Variants in CTNNA2 observed in about 807,000 individuals in gnomAD.
CTNNA2 encodes the protein catenin alpha-2.
CTNNA2 carries 42 observed loss-of-function variants against 101.0 expected under a neutral mutation model. The ratio of observed to expected loss-of-function variants is 0.42; its 90% CI spans 0.32 to 0.54. The LOEUF is 0.54. Among genes scored for constraint, CTNNA2 ranks in the 20% least tolerant of loss-of-function variants. The probability of loss-of-function intolerance (pLI) is 0.14; values close to 1 mark genes in which losing one functional copy is unlikely to be tolerated. For synonymous variants in CTNNA2, 450 were observed against 456.4 expected, an observed-to-expected ratio of 0.99 and a Z score of 0.18; for missense variants, 871 against 1,223.1, an observed-to-expected ratio of 0.71 and a Z score of 4.29.
At chr2:79,960,150 T>C (rs567169315) in intron 7 of CTNNA2, among the ~76,000 whole-genome samples, 7 of 152,338 alleles carry the variant, frequency 4.6e-5, no homozygotes, top group African/African-American at 1.4e-4. Flanking sequence ...AGAGAAAATC[T>C]GCTCAGGTCA....
At chr2:80,059,975 T>C (rs1697468461) in intron 7 of CTNNA2, among the ~76,000 whole-genome samples, 1 of 152,226 alleles carries the variant, frequency 6.6e-6, no homozygotes. Flanking sequence ...AATCAATTGA[T>C]TCATCTATTA....
intron 2 of CTNNA2, among the ~76,000 whole-genome samples, chr2:79,232,142 C>T (rs1184390714): frequency 6.6e-6 from 1 of 152,084 alleles, no homozygotes; most frequent in Non-Finnish European, 1.5e-5. Flanking sequence ...TTCCAGTTCT[C>T]AAGGGGAATG....
intron 9 of CTNNA2, among the ~76,000 whole-genome samples, chr2:80,476,464 C>G (rs1221266364): frequency 1.3e-5 from 2 of 152,110 alleles, no homozygotes; most frequent in African/African-American, 4.8e-5. Context: ...AGTCAATTCT[C>G]AGAAAACAAA....
At chr2:79,570,887 G>A (rs1402147535) in intron 1 of CTNNA2, among the ~76,000 whole-genome samples, 1 of 152,118 alleles carries the variant, frequency 6.6e-6, no homozygotes, top group Non-Finnish European at 1.5e-5. Flanking sequence ...CAGAGAAAAT[G>A]TAAATATGAA....
At chr2:80,641,638 T>C (rs1039914756) in intron 18 of CTNNA2, among the ~76,000 whole-genome samples, 1 of 152,180 alleles carries the variant, frequency 6.6e-6, no homozygotes, top group African/African-American at 2.4e-5. Flanking sequence ...ATTTTATTTC[T>C]ATCTTACCTC....
intron 16 of CTNNA2, among the ~76,000 whole-genome samples, chr2:80,604,506 G>C (rs1316232982): frequency 6.6e-6 from 1 of 151,964 alleles, no homozygotes; most frequent in Non-Finnish European, 1.5e-5. Context: ...CATAATGAAG[G>C]GGGGAAAAGC....
chr2:79,243,952 C>T (rs962282104), intron 2 of CTNNA2, among the ~76,000 whole-genome samples: 1 of 152,128 alleles, frequency 6.6e-6, no homozygotes, highest in African/African-American at 2.4e-5. Context: ...TTATACCTTT[C>T]CTTTCTGTTA....
At chr2:79,878,744 A>G (rs571023326) in intron 6 of CTNNA2, among the ~76,000 whole-genome samples, 1 of 152,228 alleles carries the variant, frequency 6.6e-6, no homozygotes, top group African/African-American at 2.4e-5. Context: ...AGATGAGTCG[A>G]TTGTAAAAAT....
At position 80,630,854 on chromosome 2, in the gene CTNNA2, T is replaced by G. The variant is rs148491533; in HGVS notation, c.2574+11626T>G. 4.2e-3 allele frequency among the ~76,000 whole-genome samples: 647 copies of G among 152,284 alleles called. 8 individuals carry two copies. The highest frequency in any genetic ancestry group is 0.013 in the African/African-American group (559 of 41,560). On this transcript the variant is annotated intron_variant, in intron 18 of 18. Coordinates refer to ENST00000402739, the MANE Select transcript of CTNNA2 (RefSeq NM_001282597.3). ...GATGAGTAACTCTGCCATGTTGAAA[T>G]TAGTGCTGGGTGAGCCCTTCAAACC...
At chr2:80,604,427 A>AGG (rs1387956773) in intron 16 of CTNNA2, among the ~76,000 whole-genome samples, 1 of 151,960 alleles carries the variant, frequency 6.6e-6, no homozygotes, top group Non-Finnish European at 1.5e-5. Flanking sequence ...CATACTACTT[A>AGG]GGAGACATCA....
rs139295667 is a variant in CTNNA2, at chr2:80,184,137, A to G, written c.1057-209074A>G. On this transcript the variant is annotated intron_variant, in intron 7 of 18. Coordinates refer to ENST00000402739, the MANE Select transcript of CTNNA2 (RefSeq NM_001282597.3). ...GTAATTTAAAAGGAAATTATGCAAA[A>G]AAAACCTAACTGATGACAGCATCAT... is the stretch of plus-strand genomic sequence containing the variant. Among the ~76,000 whole-genome samples the G allele has an allele frequency of 4.2e-4, 64 of 152,280 alleles. 2 individuals carry two copies. The highest frequency in any genetic ancestry group is 1.4e-3 in the African/African-American group (58 of 41,562).
rs187508589 is a variant in CTNNA2 at position 80,002,899 on chromosome 2, C to T, written c.1056+93102C>T. ...CCCTCCCTTTATTTCCAGCCACACA[C>T]GAACTAAATGCTCCTCCTGCCTGTG... is the stretch of plus-strand genomic sequence containing the variant. On this transcript the variant is annotated intron_variant, in intron 7 of 18. Transcript: ENST00000402739. Among the ~76,000 whole-genome samples the T allele has an allele frequency of 3.0e-3, 457 of 152,222 alleles. 2 individuals are homozygous for T. Among genetic ancestry groups the T allele is most frequent in the African/African-American group, 0.01 (426 of 41,522 alleles).
chr2:80,486,917 T>C (rs1025252581), intron 9 of CTNNA2, among the ~76,000 whole-genome samples: 5 of 152,180 alleles, frequency 3.3e-5, no homozygotes, highest in Admixed American at 2.0e-4. Context: ...AGTGCTTGTT[T>C]AGTTTTATGT....
intron 7 of CTNNA2, among the ~76,000 whole-genome samples, chr2:80,377,496 T>A (rs1676071350): frequency 6.6e-6 from 1 of 152,222 alleles, no homozygotes. Flanking sequence ...TTGCCCAGCC[T>A]CACACAGCTG....
chr2:80,065,108 G>C (rs1697886710), intron 7 of CTNNA2, among the ~76,000 whole-genome samples: 1 of 152,058 alleles, frequency 6.6e-6, no homozygotes. Context: ...GTGGACTTAT[G>C]GCCAGTATGA....
intron 1 of CTNNA2, among the ~76,000 whole-genome samples, chr2:79,514,399 A>G (rs985621439): frequency 2.6e-5 from 4 of 152,204 alleles, no homozygotes; most frequent in African/African-American, 9.7e-5. Context: ...TTAAAGAGAA[A>G]CATGCTGTGT....
chr2:80,478,750 C>T (rs946994980), intron 9 of CTNNA2, among the ~76,000 whole-genome samples: 4 of 152,050 alleles, frequency 2.6e-5, no homozygotes, highest in African/African-American at 9.7e-5. Flanking sequence ...CTCCTTTATA[C>T]TAGTATCAAG....
At chr2:79,769,262 G>C (rs939008550) in intron 3 of CTNNA2, among the ~76,000 whole-genome samples, 1 of 152,102 alleles carries the variant, frequency 6.6e-6, no homozygotes, top group African/African-American at 2.4e-5. Flanking sequence ...TTGTGGTCTC[G>C]TGTTGCTCTG....
At chr2:80,173,178 G>T (rs1159119376) in intron 7 of CTNNA2, among the ~76,000 whole-genome samples, 1 of 152,188 alleles carries the variant, frequency 6.6e-6, no homozygotes, top group Non-Finnish European at 1.5e-5. Flanking sequence ...ATGGAAAGCA[G>T]CCTAGTCTTG....
Sources: gnomAD v4.1 joint callset for allele counts (sites outside exome capture counted in the v4.1 genomes callset) on GRCh38, gnomAD v4.1.1 for gene constraint, MANE v1.5 for transcripts, NCBI Gene and HGNC (gene_info 2026-07-23, HGNC 2026-07-21) for gene names.